Variants in LRP6 observed in about 807,000 individuals in gnomAD.
LRP6 encodes LDL receptor related protein 6.
A neutral mutation model predicts 184.1 loss-of-function variants in LRP6; 43 were observed. The observed-to-expected ratio is 0.23, with a 90% CI of 0.18 to 0.30. The LOEUF is 0.30. LRP6 is among the 10% of genes least tolerant of loss of function. The pLI is 1.00. For synonymous variants in LRP6, 719 were observed against 684.9 expected (o/e 1.05, Z -0.78); for missense variants, 1,571 against 2,005.3 (o/e 0.78, Z 4.14).
At chr12:12,215,486 C>T (rs774158134) in intron 2 of LRP6, among the ~76,000 whole-genome samples, 16 of 151,628 alleles carry the variant, frequency 1.1e-4, no homozygotes, top group Non-Finnish European at 7.4e-5. Flanking sequence ...AGTGCAATAG[C>T]GCGATCTCGG....
At chr12:12,162,115 G>T in intron 10 of LRP6, 78 bp downstream of exon 10, 1 of 1,099,150 alleles carries the variant, frequency 9.1e-7, no homozygotes, top group Non-Finnish European at 1.4e-6. Context: ...AAAACATTAA[G>T]AATATCATCT....
At chr12:12,151,879 G>A (rs1442232950) in intron 12 of LRP6, among the ~76,000 whole-genome samples, 1 of 152,132 alleles carries the variant, frequency 6.6e-6, no homozygotes, top group East Asian at 1.9e-4. Context: ...AGTAGTGGCA[G>A]TAATAAACTT....
chr12:12,168,130 A>G (rs1862939720), intron 7 of LRP6, among the ~76,000 whole-genome samples: 1 of 152,196 alleles, frequency 6.6e-6, no homozygotes, highest in South Asian at 2.1e-4. Flanking sequence ...CTCCCCGCAA[A>G]TCAAACAACA....
chr12:12,218,009 A>G (rs965145082), intron 2 of LRP6, among the ~76,000 whole-genome samples: 13 of 152,228 alleles, frequency 8.5e-5, no homozygotes, highest in African/African-American at 3.1e-4. Flanking sequence ...AAGCAACAAA[A>G]GAAAAAAACA....
chr12:12,159,755 T>C, intron 11 of LRP6, 25 bp downstream of exon 11: 2 of 1,610,266 alleles, frequency 1.2e-6, no homozygotes, highest in Non-Finnish European at 1.7e-6. Flanking sequence ...AATATACTGT[T>C]TGAGTAAAAA....
intron 9 of LRP6, 89 bp downstream of exon 9, chr12:12,164,184 A>T: frequency 3.6e-6 from 4 of 1,117,610 alleles, no homozygotes; most frequent in Non-Finnish European, 5.3e-6. Context: ...TCAAACAATG[A>T]GGGAGGTGGG....
In LRP6 at chr12:12,121,390, T is replaced by A. The variant is rs1473548326; in HGVS notation, c.4578A>T (p.Ala1526=). The part of the protein sequence containing the change: ...SYRPYSYRHF[A]PPTTPCSTDV... ...CTGTGCTGCAGGGTGTGGTGGGGGG[T>A]GCAAAGTGCCGGTAGCTATATGGCC... Residue 1526 remains alanine (A), a synonymous_variant, in exon 23 of 23, where the codon GCA becomes GCT. Transcript: ENST00000261349. 2 of 1,613,636 alleles carry A rather than the reference T, an allele frequency of 1.2e-6. No individual in the cohort carries two copies. Among genetic ancestry groups the A allele is most frequent in the Non-Finnish European group, 8.5e-7 (1 of 1,179,954 alleles).
chr12:12,191,319 G>A (rs752209962), intron 3 of LRP6, among the ~76,000 whole-genome samples: 2 of 152,160 alleles, frequency 1.3e-5, no homozygotes, highest in Non-Finnish European at 2.9e-5. Flanking sequence ...GATTGGTACA[G>A]GAGAACAATG....
At chr12:12,156,011 G>A (rs1351145030) in intron 12 of LRP6, among the ~76,000 whole-genome samples, 1 of 151,984 alleles carries the variant, frequency 6.6e-6, no homozygotes, top group Non-Finnish European at 1.5e-5. Context: ...GTTGCTTCAT[G>A]GAGTTTATAT....
chr12:12,180,047 G>T, intron 6 of LRP6, 66 bp from the exon 7 acceptor site: 1 of 1,353,556 alleles, frequency 7.4e-7, no homozygotes, highest in Non-Finnish European at 1.0e-6. Flanking sequence ...ATATTCTAAA[G>T]GTGAGATCCA....
At chr12:12,212,131 T>G (rs1483459771) in intron 2 of LRP6, among the ~76,000 whole-genome samples, 1 of 152,202 alleles carries the variant, frequency 6.6e-6, no homozygotes, top group Non-Finnish European at 1.5e-5. Flanking sequence ...TTTTCACCAC[T>G]CTAGATTCCA....
At chr12:12,196,521 T>C (rs1863766490) in intron 3 of LRP6, among the ~76,000 whole-genome samples, 1 of 152,166 alleles carries the variant, frequency 6.6e-6, no homozygotes, top group Non-Finnish European at 1.5e-5. Context: ...TGTATAGAAA[T>C]GCTACTGATC....
chr12:12,209,971 AG>A (rs1457486357), intron 2 of LRP6, among the ~76,000 whole-genome samples: 1 of 152,214 alleles, frequency 6.6e-6, no homozygotes, highest in Non-Finnish European at 1.5e-5. Context: ...TATTTTACTT[AG>A]GCAGTTGCCA....
intron 1 of LRP6, among the ~76,000 whole-genome samples, chr12:12,262,416 G>A (rs533110203): frequency 6.6e-6 from 1 of 152,110 alleles, no homozygotes; most frequent in African/African-American, 2.4e-5. Context: ...AAATAAGTCA[G>A]GCATGGTGGC....
At position 12,248,288 on chromosome 12, in the gene LRP6, C is replaced by T. The variant is rs74061152; in HGVS notation, c.56-3633G>A. Among the ~76,000 whole-genome samples the T allele has an allele frequency of 1.2e-3, 181 of 152,204 alleles. 3 individuals carry two copies. Among genetic ancestry groups the T allele is most frequent in the African/African-American group, 4.2e-3 (173 of 41,532 alleles). On this transcript the variant is annotated intron_variant, in intron 1 of 22. Coordinates refer to ENST00000261349, the MANE Select transcript of LRP6 (RefSeq NM_002336.3). ...TTTTGTTTTAATAACCCTAACCTTG[C>T]TACCATCAGAATAATAATTATATTT... is the stretch of plus-strand genomic sequence containing the variant.
rs1358190301 is a variant in LRP6, at chr12:12,164,237, A to G, written c.2052+36T>C. On this transcript the variant is annotated intron_variant, in intron 9 of 22. Coordinates refer to ENST00000261349, the MANE Select transcript of LRP6 (RefSeq NM_002336.3). ...AGAAATTCTAGAAGTTCTCCCTTTT[A>G]GTCCCTAGCTTTAATATTCCAATTC... The G allele has an allele frequency of 2.5e-6, 4 of 1,589,576 alleles. No homozygotes were observed. The East Asian group carries it at 8.9e-5, about 35-fold the overall frequency.
At chr12:12,165,647 ATTATT>A (rs1186805646) in intron 7 of LRP6, among the ~76,000 whole-genome samples, 1 of 152,194 alleles carries the variant, frequency 6.6e-6, no homozygotes, top group African/African-American at 2.4e-5. Context: ...CTTCATATAC[ATTATT>A]TTATCATATA....
chr12:12,169,383 T>C (rs1046497846), intron 7 of LRP6, among the ~76,000 whole-genome samples: 1 of 152,136 alleles, frequency 6.6e-6, no homozygotes, highest in African/African-American at 2.4e-5. Flanking sequence ...GATTTCAGAA[T>C]TGCAGATAAA....
intron 2 of LRP6, among the ~76,000 whole-genome samples, chr12:12,237,908 A>G (rs1864964570): frequency 6.6e-6 from 1 of 152,244 alleles, no homozygotes; most frequent in Non-Finnish European, 1.5e-5. Context: ...CAGATTAGTT[A>G]ACAGTATTCT....
Sources: allele counts gnomAD v4.1 joint callset (sites outside exome capture counted in the v4.1 genomes callset), GRCh38; gene constraint gnomAD v4.1.1; transcripts MANE v1.5; gene names NCBI Gene and HGNC (gene_info 2026-07-23, HGNC 2026-07-21).